NT5DC1: variants seen among roughly 807,000 people sequenced by gnomAD.
NT5DC1 encodes the protein 5'-nucleotidase domain-containing protein 1.
A neutral mutation model predicts 59.4 loss-of-function variants in NT5DC1; 42 were observed. The observed-to-expected ratio is 0.71, with a 90% CI of 0.55 to 0.92. The LOEUF (loss-of-function observed/expected upper bound fraction) is 0.92. Ranked by LOEUF, NT5DC1 falls within the 40% of genes least tolerant of loss-of-function variation. The pLI is 0.00. For synonymous variants in NT5DC1, 172 were observed against 188.1 expected, an observed-to-expected ratio of 0.91 and a Z score of 0.70; for missense variants, 501 against 537.1, an observed-to-expected ratio of 0.93 and a Z score of 0.66.
intron 6 of NT5DC1, among the ~76,000 whole-genome samples, chr6:116,219,918 A>G (rs1456847483): frequency 7.1e-6 from 1 of 140,592 alleles, no homozygotes; most frequent in Non-Finnish European, 1.5e-5. Flanking sequence ...GCCAGAGATC[A>G]TGCCACTGCA....
intron 6 of NT5DC1, chr6:116,125,524 A>G: frequency 6.2e-7 from 1 of 1,610,672 alleles, no homozygotes; most frequent in Non-Finnish European, 8.5e-7. Flanking sequence ...AACAGAAAAG[A>G]ATAACTTTAT....
rs1455314337 is a variant in NT5DC1 at position 116,245,838 on chromosome 6, G to A, written c.*1814G>A. 6.6e-6 allele frequency: 1 copy of A among 151,984 alleles called. No individual in the cohort carries two copies. Among genetic ancestry groups the A allele is most frequent in the Non-Finnish European group, 1.5e-5 (1 of 67,950 alleles). 9.4% of individuals were successfully genotyped at this position (151,984 alleles called of 1,614,324 possible). On this transcript the variant is annotated 3_prime_UTR_variant, in exon 12 of 12. Transcript: ENST00000319550. Reference sequence around the variant, plus strand: ...GCGGGGGTTCAGGAGGCAGAATTCAGTTGTCAGAAGTTCTAGTATTCCCTT... The same window carrying A: ...GCGGGGGTTCAGGAGGCAGAATTCAATTGTCAGAAGTTCTAGTATTCCCTT...
intron 6 of NT5DC1, among the ~76,000 whole-genome samples, chr6:116,156,116 A>C (rs1291551201): frequency 6.6e-6 from 1 of 152,144 alleles, no homozygotes; most frequent in Non-Finnish European, 1.5e-5. Flanking sequence ...TCAATAATAC[A>C]TATTTTCTTT....
chr6:116,237,790 G>T (rs542030283), intron 9 of NT5DC1, among the ~76,000 whole-genome samples: 199 of 152,266 alleles, frequency 1.3e-3, no homozygotes, highest in Middle Eastern at 6.8e-3. Flanking sequence ...GTTGTGATTT[G>T]CACTTTTAAT....
chr6:116,192,501 T>C lies in NT5DC1; in HGVS notation c.530-28553T>C, dbSNP rs185448757. ...ACTTGAAATGGACATTTTATGTTGCTCAAATTGGATTCTGTGTTTCTGTTA... is the reference window on the plus strand; with the variant it reads ...ACTTGAAATGGACATTTTATGTTGCCCAAATTGGATTCTGTGTTTCTGTTA... On this transcript the variant is annotated intron_variant, in intron 6 of 11. Transcript: ENST00000319550. Among the ~76,000 whole-genome samples, 229 of 152,152 alleles carry C rather than the reference T, an allele frequency of 1.5e-3. 1 individual carries two copies. The highest frequency in any genetic ancestry group is 0.014 in the Middle Eastern group (4 of 294).
chr6:116,172,560 T>G (rs1272348969), intron 6 of NT5DC1, among the ~76,000 whole-genome samples: 1 of 152,020 alleles, frequency 6.6e-6, no homozygotes, highest in Non-Finnish European at 1.5e-5. Context: ...GACCCCCTGA[T>G]CCACCCACTT....
chr6:116,192,394 C>T (rs1343343681), intron 6 of NT5DC1, among the ~76,000 whole-genome samples: 2 of 152,044 alleles, frequency 1.3e-5, no homozygotes, highest in African/African-American at 4.8e-5. Flanking sequence ...GCCATTTCTA[C>T]TTTAAAGGGT....
intron 6 of NT5DC1, among the ~76,000 whole-genome samples, chr6:116,153,239 T>A (rs1051594877): frequency 4.6e-5 from 7 of 152,090 alleles, no homozygotes; most frequent in African/African-American, 1.7e-4. Flanking sequence ...TTGTCTGATT[T>A]TAGCTCTATT....
chr6:116,121,331 C>T (rs1389563894), intron 6 of NT5DC1: 26 of 1,613,916 alleles, frequency 1.6e-5, no homozygotes, highest in Non-Finnish European at 2.2e-5. Context: ...CTTTCCAATG[C>T]CTTCTGGCCC....
chr6:116,121,460 A>C, intron 6 of NT5DC1: 2 of 1,611,584 alleles, frequency 1.2e-6, no homozygotes, highest in Non-Finnish European at 8.5e-7. Context: ...TCTTTTTCCC[A>C]CTCCAGGAGG....
chr6:116,148,556 A>T (rs906062186), intron 6 of NT5DC1, among the ~76,000 whole-genome samples: 1 of 152,188 alleles, frequency 6.6e-6, no homozygotes, highest in Non-Finnish European at 1.5e-5. Context: ...TCAGAATGTG[A>T]ACATGTTAAT....
At chr6:116,197,188 C>T (rs1474753468) in intron 6 of NT5DC1, among the ~76,000 whole-genome samples, 2 of 152,014 alleles carry the variant, frequency 1.3e-5, no homozygotes, top group Non-Finnish European at 2.9e-5. Flanking sequence ...TCTGAAGAGG[C>T]ATGAATCTTC....
intron 6 of NT5DC1, among the ~76,000 whole-genome samples, chr6:116,170,192 C>T (rs1228170609): frequency 6.6e-6 from 1 of 152,054 alleles, no homozygotes; most frequent in African/African-American, 2.4e-5. Context: ...AGTGGAGAGA[C>T]AAAAGGAGTC....
At chr6:116,138,757 G>A (rs1268107734) in intron 6 of NT5DC1, among the ~76,000 whole-genome samples, 4 of 152,062 alleles carry the variant, frequency 2.6e-5, no homozygotes, top group East Asian at 1.9e-4. Flanking sequence ...TCATTTTGTA[G>A]TATTTATATT....
At chr6:116,167,276 A>G (rs931256116) in intron 6 of NT5DC1, among the ~76,000 whole-genome samples, 2 of 144,558 alleles carry the variant, frequency 1.4e-5, no homozygotes, top group Non-Finnish European at 3.0e-5. Flanking sequence ...GCAGTGGCAC[A>G]ATCTCAGCTC....
chr6:116,199,262 T>C (rs931173976), intron 6 of NT5DC1, among the ~76,000 whole-genome samples: 1 of 152,108 alleles, frequency 6.6e-6, no homozygotes, highest in African/African-American at 2.4e-5. Flanking sequence ...GAAAGGACTA[T>C]CTTCTGGAAG....
chr6:116,100,897 G>T lies in NT5DC1; in HGVS notation c.-34G>T. ...CCAGCCAGCTCCTTGCACCCTTCGCGGCCGAGGCGCTCCCTGGTGCTCCCC... is the reference window on the plus strand; with the variant it reads ...CCAGCCAGCTCCTTGCACCCTTCGCTGCCGAGGCGCTCCCTGGTGCTCCCC... On this transcript the variant is annotated 5_prime_UTR_variant, in exon 1 of 12. Transcript: ENST00000319550. 2.6e-6 allele frequency: 4 copies of T among 1,549,192 alleles called. No homozygotes were observed. Among genetic ancestry groups the T allele is most frequent in the Non-Finnish European group, 3.5e-6 (4 of 1,139,802 alleles).
At chr6:116,193,147 A>C (rs764188103) in intron 6 of NT5DC1, among the ~76,000 whole-genome samples, 57 of 152,008 alleles carry the variant, frequency 3.7e-4, no homozygotes, top group Non-Finnish European at 1.0e-4. Flanking sequence ...TCAGTTTGTT[A>C]TTAGCAACTC....
intron 7 of NT5DC1, among the ~76,000 whole-genome samples, chr6:116,222,388 A>C (rs1781824676): frequency 6.6e-6 from 1 of 152,182 alleles, no homozygotes; most frequent in Non-Finnish European, 1.5e-5. Flanking sequence ...GTATTCTAGA[A>C]TGTTGGGTAA....
Sources: allele counts gnomAD v4.1 joint callset (sites outside exome capture counted in the v4.1 genomes callset), GRCh38; gene constraint gnomAD v4.1.1; transcripts MANE v1.5; gene names NCBI Gene and HGNC (gene_info 2026-07-23, HGNC 2026-07-21).